The following CTH variants were observed in gnomAD, a reference collection of about 807,000 sequenced individuals.
The protein encoded by CTH is cystathionase (cystathionine gamma-lyase).
CTH carries 41 observed loss-of-function variants against 50.6 expected under a neutral mutation model. That is an observed-to-expected ratio of 0.81 (90% CI 0.63 to 1.05). The LOEUF is 1.05. Ranked by LOEUF, CTH falls within the 50% of genes least tolerant of loss-of-function variation. CTH has a pLI of 0.00. For synonymous variants in CTH, 156 were observed against 168.9 expected, an observed-to-expected ratio of 0.92 and a Z score of 0.59; for missense variants, 470 against 492.6, an observed-to-expected ratio of 0.95 and a Z score of 0.43.
intron 1 of CTH, among the ~76,000 whole-genome samples, chr1:70,415,245 A>T (rs1284292379): frequency 6.6e-6 from 1 of 152,138 alleles, no homozygotes; most frequent in East Asian, 1.9e-4. Context: ...CAAAAAATAA[A>T]ATTAAAATAT....
chr1:70,420,228 G>T (rs541592664), intron 3 of CTH, among the ~76,000 whole-genome samples: 1 of 152,220 alleles, frequency 6.6e-6, no homozygotes, highest in African/African-American at 2.4e-5. Flanking sequence ...CCGACCTTAG[G>T]TGATCCACCT....
chr1:70,420,504 A>G (rs1207216787), intron 3 of CTH, among the ~76,000 whole-genome samples: 1 of 152,098 alleles, frequency 6.6e-6, no homozygotes, highest in African/African-American at 2.4e-5. Flanking sequence ...TGAGAATCTG[A>G]TGCTGCCGCT....
chr1:70,414,347 A>T (rs1684041911), intron 1 of CTH, among the ~76,000 whole-genome samples: 3 of 151,960 alleles, frequency 2.0e-5, no homozygotes, highest in African/African-American at 7.2e-5. Context: ...CCCCATCTCT[A>T]CTAAAAAAGT....
At chr1:70,411,851 G>A (rs559325804) in intron 1 of CTH, among the ~76,000 whole-genome samples, 38 of 152,240 alleles carry the variant, frequency 2.5e-4, no homozygotes, top group African/African-American at 3.9e-4. Flanking sequence ...TGACAAATTT[G>A]CAATTAAAAA....
intron 5 of CTH, among the ~76,000 whole-genome samples, chr1:70,429,273 A>ATGTGTGGG (rs1321273235): frequency 1.3e-5 from 2 of 152,212 alleles, no homozygotes; most frequent in Non-Finnish European, 2.9e-5. Context: ...TGTGAAACCC[A>ATGTGTGGG]CACATAGGAA....
intron 10 of CTH, among the ~76,000 whole-genome samples, chr1:70,435,459 C>CAGTTCTAGGATCTCTGAT (rs1684578078): frequency 6.6e-6 from 1 of 151,976 alleles, no homozygotes; most frequent in Non-Finnish European, 1.5e-5. Flanking sequence ...TGATCTCTGA[C>CAGTTCTAGGATCTCTGAT]CTCTAAGCAA....
chr1:70,421,662 C>T lies in CTH; in HGVS notation c.443C>T (p.Thr148Ile), dbSNP rs1441927646. The T allele has an allele frequency of 1.2e-6, 2 of 1,613,882 alleles. No individual in the cohort carries two copies. The highest frequency in any genetic ancestry group is 1.7e-6 in the Non-Finnish European group (2 of 1,179,876). The change falls in exon 4 of 12, where the codon ACA becomes ATA. Residue 148 changes from threonine (T) to isoleucine (I), a missense_variant. Coordinates refer to ENST00000370938, the MANE Select transcript of CTH (RefSeq NM_001902.6). ...ATCAAATTACTAGAGGCAGCAATTA[C>T]ACCAGAAACCAAGGTAACTCAGCTC... ...SKIKLLEAAI[T>I]PETKLVWIET...
At chr1:70,433,177 T>C (rs1684518352) in intron 8 of CTH, among the ~76,000 whole-genome samples, 1 of 152,164 alleles carries the variant, frequency 6.6e-6, no homozygotes, top group Non-Finnish European at 1.5e-5. Flanking sequence ...GCATCTAGAA[T>C]ATATAGAAAA....
chr1:70,421,456 T>G, intron 3 of CTH, 110 bp from the exon 4 acceptor site: 2 of 1,151,302 alleles, frequency 1.7e-6, no homozygotes, highest in Non-Finnish European at 2.6e-6. Context: ...AGTTGCATTT[T>G]CCTTGGTGAC....
intron 9 of CTH, chr1:70,434,898 G>C: frequency 2.7e-6 from 1 of 366,254 alleles, no homozygotes; most frequent in Non-Finnish European, 5.2e-6. Flanking sequence ...GATTACAGGT[G>C]CGTGCCACCA....
At chr1:70,425,166 T>C (rs1489823168) in intron 5 of CTH, among the ~76,000 whole-genome samples, 7 of 152,242 alleles carry the variant, frequency 4.6e-5, no homozygotes, top group African/African-American at 1.7e-4. Context: ...TTCTAGTTTT[T>C]ATTCCTTCAG....
chr1:70,432,017 A>G, intron 7 of CTH, 66 bp from the exon 8 acceptor site: 2 of 1,559,656 alleles, frequency 1.3e-6, no homozygotes, highest in Non-Finnish European at 1.8e-6. Context: ...AATGGAAAAG[A>G]GAAGCCAGAT....
At position 70,439,673 on chromosome 1, in the gene CTH, G is replaced by A. The variant is rs190637978; in HGVS notation, c.*546G>A. The A allele has an allele frequency of 3.6e-3, 562 of 156,384 alleles. 7 individuals are homozygous for A. Among genetic ancestry groups the A allele is most frequent in the African/African-American group, 0.013 (531 of 41,556 alleles). 9.7% of individuals were successfully genotyped at this position (156,384 alleles called of 1,614,324 possible). A position where few individuals can be genotyped will look rare whatever the true frequency, so the allele number is the denominator to read the frequency against. Reference sequence around the variant, plus strand: ...TTAAAAAAATAAATCAGCTGGGCGCGGTGGCTCACGCATGTAATGCCAGCA... The same window carrying A: ...TTAAAAAAATAAATCAGCTGGGCGCAGTGGCTCACGCATGTAATGCCAGCA... On this transcript the variant is annotated 3_prime_UTR_variant, in exon 12 of 12. Transcript: ENST00000370938.
At chr1:70,435,776 A>G (rs1349180024) in intron 10 of CTH, among the ~76,000 whole-genome samples, 1 of 152,178 alleles carries the variant, frequency 6.6e-6, no homozygotes, top group East Asian at 1.9e-4. Flanking sequence ...GGATATTGGT[A>G]CAAGAAGCAG....
At chr1:70,415,385 C>G (rs899176790) in intron 1 of CTH, among the ~76,000 whole-genome samples, 2 of 151,696 alleles carry the variant, frequency 1.3e-5, no homozygotes, top group African/African-American at 2.4e-5. Context: ...GCCTGGGCAA[C>G]AGAGTGAGGT....
intron 6 of CTH, 103 bp from the exon 7 acceptor site, chr1:70,430,213 GT>G (rs1684433632): frequency 1.4e-6 from 1 of 736,706 alleles, no homozygotes; most frequent in Admixed American, 2.1e-5. Context: ...TTCCCTGAGA[GT>G]TTTTTCAAGT....
At chr1:70,412,924 GAC>G (rs1684001219) in intron 1 of CTH, among the ~76,000 whole-genome samples, 1 of 152,168 alleles carries the variant, frequency 6.6e-6, no homozygotes, top group Non-Finnish European at 1.5e-5. Flanking sequence ...AAAAGGAACT[GAC>G]ACAGAGTCAT....
At position 70,429,851 on chromosome 1, in the gene CTH, G is replaced by A; in HGVS notation, c.646G>A (p.Gly216Ser). The change falls in exon 6 of 12, where the codon GGC becomes AGC. Residue 216 changes from glycine (G) to serine (S), a missense_variant and splice_region_variant. Physicochemically the swap from Gly to Ser is moderately conservative, Grantham distance 56. Coordinates refer to ENST00000370938, the MANE Select transcript of CTH (RefSeq NM_001902.6). ...GTATTCTGCAACAAAATACATGAAT[G>A]GTAAGATGCATACTTTGAATGTTCT... The part of the protein sequence containing the change: ...SMYSATKYMN[G>S]HSDVVMGLVS... 4 of 1,606,140 alleles carry A rather than the reference G, an allele frequency of 2.5e-6. No individual in the cohort carries two copies. The highest frequency in any genetic ancestry group is 3.4e-6 in the Non-Finnish European group (4 of 1,172,880).
chr1:70,411,794 G>T, intron 1 of CTH: 1 of 676,042 alleles, frequency 1.5e-6, no homozygotes, highest in Non-Finnish European at 1.8e-6. Context: ...GGAAGGAGCC[G>T]TTTGTCCAGC....
Sources: gnomAD v4.1 joint callset for allele counts (sites outside exome capture counted in the v4.1 genomes callset) on GRCh38, gnomAD v4.1.1 for gene constraint, MANE v1.5 for transcripts, NCBI Gene and HGNC (gene_info 2026-07-23, HGNC 2026-07-21) for gene names.